LIN28B: variants seen among roughly 807,000 people sequenced by gnomAD.
The protein encoded by LIN28B is lin-28 RNA binding posttranscriptional regulator B.
LIN28B carries 5 observed loss-of-function variants against 21.9 expected under a neutral mutation model. The ratio of observed to expected loss-of-function variants is 0.23; its 90% CI spans 0.12 to 0.48. The LOEUF (loss-of-function observed/expected upper bound fraction) is 0.48. Among genes scored for constraint, LIN28B ranks in the 20% least tolerant of loss-of-function variants. The probability of loss-of-function intolerance (pLI) is 0.98; values close to 1 mark genes in which losing one functional copy is unlikely to be tolerated. For synonymous variants in LIN28B, 109 were observed against 111.3 expected, an observed-to-expected ratio of 0.98 and a Z score of 0.13; for missense variants, 245 against 310.5, an observed-to-expected ratio of 0.79 and a Z score of 1.58.
At chr6:104,976,589 T>A (rs575304489) in intron 2 of LIN28B, among the ~76,000 whole-genome samples, 1 of 152,332 alleles carries the variant, frequency 6.6e-6, no homozygotes, top group South Asian at 2.1e-4. Flanking sequence ...AGTGCCAAGA[T>A]AACAGCATTG....
At chr6:105,069,378 A>C (rs145843002) in intron 3 of LIN28B, among the ~76,000 whole-genome samples, 3 of 152,314 alleles carry the variant, frequency 2.0e-5, no homozygotes, top group Non-Finnish European at 2.9e-5. Flanking sequence ...GGAAATCAGT[A>C]ATTGTTAATT....
At chr6:105,073,296 C>CAAGGTTTAAAATGAT (rs1274952384) in intron 3 of LIN28B, among the ~76,000 whole-genome samples, 1 of 152,116 alleles carries the variant, frequency 6.6e-6, no homozygotes, top group Non-Finnish European at 1.5e-5. Flanking sequence ...ATGATCTCTT[C>CAAGGTTTAAAATGAT]AAAGAATCAG....
At chr6:105,050,959 A>C (rs1167381664) in intron 3 of LIN28B, among the ~76,000 whole-genome samples, 1 of 151,454 alleles carries the variant, frequency 6.6e-6, no homozygotes, top group Non-Finnish European at 1.5e-5. Context: ...TCATGGCTGT[A>C]ATCCCAGCAC....
At chr6:105,036,900 G>A (rs2114358650) in intron 3 of LIN28B, among the ~76,000 whole-genome samples, 1 of 152,182 alleles carries the variant, frequency 6.6e-6, no homozygotes, top group East Asian at 1.9e-4. Context: ...TGATAATTTG[G>A]TAGTATTTTA....
chr6:105,033,354 G>T (rs1771463194), intron 3 of LIN28B, among the ~76,000 whole-genome samples: 1 of 151,940 alleles, frequency 6.6e-6, no homozygotes, highest in African/African-American at 2.4e-5. Flanking sequence ...TCTAATGTTT[G>T]TATATAAGGT....
At chr6:104,947,908 CT>C (rs1476797546) in intron 2 of LIN28B, among the ~76,000 whole-genome samples, 1 of 151,880 alleles carries the variant, frequency 6.6e-6, no homozygotes, top group Non-Finnish European at 1.5e-5. Context: ...TACACAGTCT[CT>C]CTAATCACAG....
At chr6:104,957,620 A>AGGTT (rs1778309701) in intron 1 of LIN28B, among the ~76,000 whole-genome samples, 1 of 151,936 alleles carries the variant, frequency 6.6e-6, no homozygotes, top group Admixed American at 6.6e-5. Context: ...GGGGGAGGGG[A>AGGTT]ATGCACATTG....
intron 3 of LIN28B, among the ~76,000 whole-genome samples, chr6:104,951,523 A>G (rs1371062169): frequency 1.3e-5 from 2 of 151,980 alleles, no homozygotes; most frequent in Non-Finnish European, 2.9e-5. Context: ...GTTTTCATTT[A>G]TTAATTTTTT....
chr6:105,020,301 T>C (rs530541579), intron 2 of LIN28B, among the ~76,000 whole-genome samples: 2 of 151,684 alleles, frequency 1.3e-5, no homozygotes, highest in Non-Finnish European at 2.9e-5. Context: ...TAAAAATCCT[T>C]TTTAAATGGT....
intron 2 of LIN28B, among the ~76,000 whole-genome samples, chr6:104,992,866 C>T (rs927994867): frequency 6.6e-6 from 1 of 152,012 alleles, no homozygotes; most frequent in African/African-American, 2.4e-5. Flanking sequence ...TTTTACTTTT[C>T]TCAAAATTTT....
chr6:104,938,832 C>A (rs527378596), intron 2 of LIN28B, among the ~76,000 whole-genome samples: 2 of 152,056 alleles, frequency 1.3e-5, no homozygotes, highest in South Asian at 4.2e-4. Context: ...ATTATAATGT[C>A]CCATTTTTTA....
At chr6:104,988,508 T>C (rs1226628352) in intron 2 of LIN28B, among the ~76,000 whole-genome samples, 1 of 151,978 alleles carries the variant, frequency 6.6e-6, no homozygotes, top group Non-Finnish European at 1.5e-5. Context: ...TAGTTTTTCT[T>C]TGTAGAAAGG....
At chr6:105,040,918 T>A (rs1272242974) in intron 3 of LIN28B, among the ~76,000 whole-genome samples, 2 of 152,120 alleles carry the variant, frequency 1.3e-5, no homozygotes, top group Non-Finnish European at 2.9e-5. Flanking sequence ...TTTTATTTTT[T>A]TATTTTTTGA....
At chr6:104,984,705 T>C (rs757323043) in intron 2 of LIN28B, among the ~76,000 whole-genome samples, 2 of 152,124 alleles carry the variant, frequency 1.3e-5, no homozygotes, top group Non-Finnish European at 2.9e-5. Flanking sequence ...CAAAGTAGTA[T>C]AATTTTTAAA....
chr6:105,035,321 C>T (rs1325918285), intron 3 of LIN28B, among the ~76,000 whole-genome samples: 3 of 152,002 alleles, frequency 2.0e-5, no homozygotes, highest in African/African-American at 7.2e-5. Context: ...CAATAAATAA[C>T]TGTTTCACCC....
chr6:105,033,069 C>T (rs978706150), intron 3 of LIN28B, among the ~76,000 whole-genome samples: 5 of 152,038 alleles, frequency 3.3e-5, no homozygotes, highest in Admixed American at 6.6e-5. Flanking sequence ...TCAATCTTTA[C>T]ATTTTCTGTT....
At chr6:105,054,041 G>A (rs1582922203) in intron 3 of LIN28B, among the ~76,000 whole-genome samples, 2 of 66,326 alleles carry the variant, frequency 3.0e-5, no homozygotes, top group East Asian at 5.3e-4. Context: ...ACTGCACCCA[G>A]CCTACTGTTT....
chr6:105,013,825 C>T (rs560985301), intron 2 of LIN28B, among the ~76,000 whole-genome samples: 57 of 152,128 alleles, frequency 3.7e-4, no homozygotes, highest in African/African-American at 1.3e-3. Flanking sequence ...TAGAGATGAT[C>T]TACATTGTCA....
chr6:105,082,547 A>C lies in LIN28B; in HGVS notation c.*3764A>C, dbSNP rs1772560248. The C allele has an allele frequency of 6.5e-6, 1 of 152,810 alleles. No individual in the cohort carries two copies. Among genetic ancestry groups the C allele is most frequent in the East Asian group, 1.9e-4 (1 of 5,192 alleles). 9.5% of individuals were successfully genotyped at this position (152,810 alleles called of 1,614,324 possible). On this transcript the variant is annotated 3_prime_UTR_variant, in exon 4 of 4. Coordinates refer to ENST00000345080, the MANE Select transcript of LIN28B (RefSeq NM_001004317.4). The stretch of plus-strand genomic sequence containing the variant: ...CCCCTTTGGTTATAAAATTTGGGAA[A>C]GTATGTACAAGTGCAGCTGCACTGA...
Sources: gnomAD v4.1 joint callset for allele counts (sites outside exome capture counted in the v4.1 genomes callset) on GRCh38, gnomAD v4.1.1 for gene constraint, MANE v1.5 for transcripts, NCBI Gene and HGNC (gene_info 2026-07-23, HGNC 2026-07-21) for gene names.